UBR2: variants seen among roughly 807,000 people sequenced by gnomAD.
UBR2 encodes E3 ubiquitin-protein ligase UBR2.
UBR2 carries 92 observed loss-of-function variants against 247.9 expected under a neutral mutation model. The ratio of observed to expected loss-of-function variants is 0.37; its 90% CI spans 0.31 to 0.44. The LOEUF (loss-of-function observed/expected upper bound fraction) is 0.44, where lower values mean the gene tolerates loss of function less well. Ranked by LOEUF, UBR2 falls within the 20% of genes least tolerant of loss-of-function variation. UBR2 has a pLI of 1.00. For missense variants in UBR2, 1,613 were observed against 2,112.6 expected (o/e 0.76, Z 4.64); for synonymous variants, 672 against 693.5 (o/e 0.97, Z 0.49).
chr6:42,689,469 T>G lies in UBR2; in HGVS notation c.5025-100T>G. The stretch of plus-strand genomic sequence containing the variant: ...ATGGATAACTTCCTCCTAATAGTGG[T>G]TTAAATATCAGTACTATAAGACTTC... On this transcript the variant is annotated intron_variant, in intron 45 of 46. Coordinates refer to ENST00000372901, the MANE Select transcript of UBR2 (RefSeq NM_001363705.2). This position sits in a 1 kb window ranked among gnomAD's most constrained non-coding sequence, Gnocchi z 4.0. 8.6e-7 allele frequency: 1 copy of G among 1,159,666 alleles called. No individual in the cohort carries two copies. The highest frequency in any genetic ancestry group is 1.3e-6 in the Non-Finnish European group (1 of 780,290). The allele number at this position is 1,159,666 out of a possible 1,614,324, so 71.8% of individuals were successfully genotyped here. A position where few individuals can be genotyped will look rare whatever the true frequency, so the allele number is the denominator to read the frequency against.
intron 41 of UBR2, 99 bp from the exon 42 acceptor site, chr6:42,679,625 T>G (rs759875129): frequency 4.7e-6 from 4 of 856,542 alleles, no homozygotes; most frequent in Non-Finnish European, 7.4e-6. Flanking sequence ...AAATTGGAAG[T>G]CTTTCATCCT....
chr6:42,584,184 C>T (rs1036817505), intron 2 of UBR2, among the ~76,000 whole-genome samples: 5 of 151,734 alleles, frequency 3.3e-5, no homozygotes, highest in South Asian at 2.1e-4. Context: ...TTTGTAGAGA[C>T]GGGATTTCTC....
At chr6:42,597,951 G>T (rs1485929898) in intron 4 of UBR2, among the ~76,000 whole-genome samples, 1 of 151,992 alleles carries the variant, frequency 6.6e-6, no homozygotes, top group Non-Finnish European at 1.5e-5. Flanking sequence ...AGTCTTCAAG[G>T]GTATTAAGAT....
chr6:42,637,808 T>C (rs1796196310), intron 15 of UBR2, among the ~76,000 whole-genome samples: 2 of 152,240 alleles, frequency 1.3e-5, no homozygotes, highest in Admixed American at 1.3e-4. Flanking sequence ...GCCAAAGACT[T>C]TGAATATGCA....
rs149399020 is a variant in UBR2, at chr6:42,691,527, G to A, written c.*354G>A. 924 of 276,594 alleles carry A rather than the reference G, an allele frequency of 3.3e-3. 7 individuals carry two copies. The highest frequency in any genetic ancestry group is 0.018 in the African/African-American group (791 of 43,130). 17.1% of individuals were successfully genotyped at this position (276,594 alleles called of 1,614,324 possible). A position where few individuals can be genotyped will look rare whatever the true frequency, so the allele number is the denominator to read the frequency against. On this transcript the variant is annotated 3_prime_UTR_variant, in exon 47 of 47. Coordinates refer to ENST00000372901, the MANE Select transcript of UBR2 (RefSeq NM_001363705.2). ...ACCGTGGGTCCGAAGCTGACTCAAC[G>A]GAGGCAGGGAACAAAGTCTCTGTGG... is the stretch of plus-strand genomic sequence containing the variant.
At chr6:42,594,414 A>G (rs1792844551) in intron 4 of UBR2, 110 bp downstream of exon 4, 1 of 770,220 alleles carries the variant, frequency 1.3e-6, no homozygotes, top group Admixed American at 2.7e-5. Context: ...CACTATTGAC[A>G]GTGACTAGTT....
In UBR2 at chr6:42,606,648, TGTG is replaced by T; in HGVS notation, c.864_864+2del. On this transcript the variant is annotated inframe_deletion and splice_region_variant, in exon 7 of 47. Transcript: ENST00000372901. ...ATTGTGAGCAAGCAAAATCAGTAAT[TGTG>T]GTAAGTAATTTAAAAACATGCTTAT... 5 of 1,602,652 alleles carry T rather than the reference TGTG, an allele frequency of 3.1e-6. No homozygotes were observed. Among genetic ancestry groups the T allele is most frequent in the South Asian group, 1.1e-5 (1 of 88,118 alleles).
At chr6:42,650,110 A>T (rs186876927) in intron 22 of UBR2, among the ~76,000 whole-genome samples, 174 bp from the exon 23 acceptor site, 31 of 152,338 alleles carry the variant, frequency 2.0e-4, no homozygotes, top group Non-Finnish European at 4.0e-4. Context: ...AATAAAACAG[A>T]TGCATGTAGA....
Position 42,673,875 on chromosome 6 carries a change from A to C in UBR2, c.4171A>C (p.Lys1391Gln). 6.2e-7 allele frequency: 1 copy of C among 1,613,020 alleles called. No individual in the cohort carries two copies. The highest frequency in any genetic ancestry group is 8.5e-7 in the Non-Finnish European group (1 of 1,179,452). ...SVSVVQGHFC[K>Q]LFASLVPNDS... Reference sequence around the variant, plus strand: ...TTCAGTGGTGCAAGGACATTTTTGTAAACTTTTTGCATGTGAGTATTAATA... The same window carrying C: ...TTCAGTGGTGCAAGGACATTTTTGTCAACTTTTTGCATGTGAGTATTAATA... The change falls in exon 37 of 47, where the codon AAA becomes CAA. Residue 1391 changes from lysine to glutamine, a missense_variant. By Grantham distance (53) the Lys-to-Gln change is moderately conservative. Transcript: ENST00000372901.
At chr6:42,651,713 A>G (rs1582648417) in intron 23 of UBR2, among the ~76,000 whole-genome samples, 1 of 151,472 alleles carries the variant, frequency 6.6e-6, no homozygotes, top group African/African-American at 2.4e-5. Flanking sequence ...CTGCTCTCGA[A>G]CTCCTGACCT....
At chr6:42,614,515 G>A (rs918531723) in intron 8 of UBR2, among the ~76,000 whole-genome samples, 1 of 150,562 alleles carries the variant, frequency 6.6e-6, no homozygotes, top group South Asian at 2.1e-4. Flanking sequence ...TTTGAAGAAC[G>A]TTTCTGAAGT....
At chr6:42,634,407 C>A in intron 13 of UBR2, 1 of 182,264 alleles carries the variant, frequency 5.5e-6, no homozygotes, top group Non-Finnish European at 1.2e-5. Context: ...AAAGGAATGA[C>A]CAAAGTTGAC....
intron 2 of UBR2, among the ~76,000 whole-genome samples, chr6:42,589,779 A>G (rs1792534171): frequency 6.6e-6 from 1 of 152,020 alleles, no homozygotes. Context: ...CTTCCTTTTC[A>G]ACGTTTTAAA....
At chr6:42,652,132 C>A in intron 24 of UBR2, 61 bp downstream of exon 24, 1 of 1,443,212 alleles carries the variant, frequency 6.9e-7, no homozygotes, top group Non-Finnish European at 9.4e-7. Context: ...ACATTGTTTT[C>A]TGTTAACTAT....
At position 42,692,765 on chromosome 6, in the gene UBR2, A is replaced by G. The variant is rs982024421; in HGVS notation, c.*1592A>G. On this transcript the variant is annotated 3_prime_UTR_variant, in exon 47 of 47. Coordinates refer to ENST00000372901, the MANE Select transcript of UBR2 (RefSeq NM_001363705.2). ...AAAGAAGTGAGGATGTAGAAGCCAC[A>G]TTCCTCTCCAAGGTAGTGTGTGAAA... The G allele has an allele frequency of 6.6e-6, 1 of 152,250 alleles. No individual in the cohort carries two copies. The allele number at this position is 152,250 out of a possible 1,614,324, so 9.4% of individuals were successfully genotyped here. A position where few individuals can be genotyped will look rare whatever the true frequency, so the allele number is the denominator to read the frequency against.
chr6:42,608,649 C>CA (rs759827176), intron 7 of UBR2, among the ~76,000 whole-genome samples: 2 of 151,726 alleles, frequency 1.3e-5, no homozygotes, highest in Admixed American at 6.6e-5. Flanking sequence ...AAACAAAAAA[C>CA]AAAAAAAACT....
In UBR2 at chr6:42,603,648, AC is replaced by A; in HGVS notation, c.593del (p.Thr198SerfsTer6). The A allele has an allele frequency of 1.9e-6, 3 of 1,599,570 alleles. No homozygotes were observed. The highest frequency in any genetic ancestry group is 1.7e-6 in the Non-Finnish European group (2 of 1,176,722). On this transcript the variant is annotated frameshift_variant, in exon 5 of 47. Coordinates refer to ENST00000372901, the MANE Select transcript of UBR2 (RefSeq NM_001363705.2). LOFTEE classifies it high-confidence loss of function. ...IARTYNIFAI[T>X]FRYAVEILTW... ...AAGAACTTATAACATTTTTGCTATT[AC>A]GTTTCGGTATGCAGTAGAAATATTA... is the stretch of plus-strand genomic sequence containing the variant.
At chr6:42,687,733 G>T (rs1582742802) in intron 44 of UBR2, among the ~76,000 whole-genome samples, 1 of 151,980 alleles carries the variant, frequency 6.6e-6, no homozygotes, top group Non-Finnish European at 1.5e-5. Context: ...TAGAGACGGG[G>T]TTTCACCATA....
intron 11 of UBR2, among the ~76,000 whole-genome samples, chr6:42,626,347 T>C (rs1380547260): frequency 1.3e-5 from 2 of 152,172 alleles, no homozygotes; most frequent in Non-Finnish European, 2.9e-5. Flanking sequence ...AAATGAGGGT[T>C]GTTTAGAAAG....
Sources: gnomAD v4.1 joint callset for allele counts (sites outside exome capture counted in the v4.1 genomes callset) on GRCh38, gnomAD v4.1.1 for gene constraint, Gnocchi (gnomAD v3.1) non-coding constraint, MANE v1.5 for transcripts, NCBI Gene and HGNC (gene_info 2026-07-23, HGNC 2026-07-21) for gene names.